Variants in NEB observed in about 807,000 individuals in gnomAD.
NEB encodes the protein nebulin, also known as nemaline myopathy type 2.
NEB carries 512 observed loss-of-function variants against 952.2 expected under a neutral mutation model. The observed-to-expected ratio is 0.54, with a 90% CI of 0.50 to 0.58. NEB has a LOEUF of 0.58. Among genes scored for constraint, NEB ranks in the 20% least tolerant of loss-of-function variants. NEB has a pLI of 0.00. For missense variants in NEB, 8,428 were observed against 9,231.1 expected (o/e 0.91, Z 3.56); for synonymous variants, 2,900 against 3,149.8 (o/e 0.92, Z 2.66).
At chr2:151,578,230 C>T (rs1258200011) in intron 105 of NEB, among the ~76,000 whole-genome samples, 1 of 151,438 alleles carries the variant, frequency 6.6e-6, no homozygotes, top group African/African-American at 2.4e-5. Context: ...ACGAGTAAAT[C>T]TAAAAATGCC....
At chr2:151,644,682 G>T in intron 55 of NEB, 107 bp from the exon 56 acceptor site, 1 of 886,510 alleles carries the variant, frequency 1.1e-6, no homozygotes, top group Non-Finnish European at 1.8e-6. Context: ...TAGCATCTGT[G>T]CCCTAAAATA....
At position 151,695,997 on chromosome 2, in the gene NEB, G is replaced by A. The variant is rs79285434; in HGVS notation, c.1570-315C>T. ...CTCTCTTGTCACTGTCAGTGCTCAC[G>A]TACCAGAGCCACTTTCCTTTCATCT... On this transcript the variant is annotated intron_variant, in intron 17 of 181. Coordinates refer to ENST00000397345, the MANE Select transcript of NEB (RefSeq NM_001164508.2). 1.9e-4 allele frequency among the ~76,000 whole-genome samples: 29 copies of A among 152,320 alleles called. No homozygotes were observed. The East Asian group carries it at 2.3e-3, about 12-fold the overall frequency.
At chr2:151,717,304 C>T in intron 10 of NEB, 112 bp downstream of exon 10, 1 of 761,260 alleles carries the variant, frequency 1.3e-6, no homozygotes. Flanking sequence ...TGTAAAAATA[C>T]TCCTAGTGTT....
At chr2:151,660,194 C>T (rs1312619819) in intron 46 of NEB, among the ~76,000 whole-genome samples, 1 of 152,200 alleles carries the variant, frequency 6.6e-6, no homozygotes, top group East Asian at 1.9e-4. Context: ...TGAGAGCCCT[C>T]TGTGGGACTG....
chr2:151,523,466 C>G (rs1246437172), intron 153 of NEB, among the ~76,000 whole-genome samples: 1 of 152,142 alleles, frequency 6.6e-6, no homozygotes, highest in Non-Finnish European at 1.5e-5. Context: ...TTTCTTCAAA[C>G]AGATACCTGA....
intron 80 of NEB, 55 bp from the exon 81 acceptor site, chr2:151,610,175 G>A: frequency 7.1e-7 from 1 of 1,417,404 alleles, no homozygotes; most frequent in Non-Finnish European, 9.6e-7. Flanking sequence ...ATGCTCATGT[G>A]CTGACAATTA....
chr2:151,574,441 TTATTTTTC>T (rs1163874033), intron 107 of NEB, among the ~76,000 whole-genome samples: 2 of 152,212 alleles, frequency 1.3e-5, no homozygotes, highest in African/African-American at 2.4e-5. Flanking sequence ...GATTTGAGAT[TTATTTTTC>T]AGTCATGTTG....
At chr2:151,521,751 A>C (rs891741652) in intron 153 of NEB, among the ~76,000 whole-genome samples, 2 of 152,202 alleles carry the variant, frequency 1.3e-5, no homozygotes, top group Non-Finnish European at 2.9e-5. Flanking sequence ...AGTTAACTTC[A>C]ACCTTTTTAA....
At chr2:151,564,079 A>C (rs1041171928) in intron 117 of NEB, 149 bp from the exon 118 acceptor site, 1 of 489,164 alleles carries the variant, frequency 2.0e-6, no homozygotes, top group Non-Finnish European at 3.6e-6. Flanking sequence ...TACCTAGAAT[A>C]GGGCAGTTAT....
intron 47 of NEB, among the ~76,000 whole-genome samples, 184 bp downstream of exon 47, chr2:151,658,881 C>G (rs2099115521): frequency 6.6e-6 from 1 of 152,120 alleles, no homozygotes; most frequent in South Asian, 2.1e-4. Context: ...AACTGCTTGG[C>G]CCAACCCCAT....
At chr2:151,621,502 T>C (rs1174816352) in intron 71 of NEB, among the ~76,000 whole-genome samples, 2 of 152,230 alleles carry the variant, frequency 1.3e-5, no homozygotes, top group Non-Finnish European at 2.9e-5. Context: ...TCTGTTAATG[T>C]TGATTTGCTC....
At chr2:151,534,040 C>G (rs1484270978) in intron 142 of NEB, among the ~76,000 whole-genome samples, 1 of 152,224 alleles carries the variant, frequency 6.6e-6, no homozygotes, top group African/African-American at 2.4e-5. Context: ...AGAGCATGGA[C>G]TGGCACACTC....
intron 167 of NEB, 131 bp downstream of exon 167, chr2:151,502,662 G>C: frequency 1.5e-6 from 1 of 649,224 alleles, no homozygotes; most frequent in East Asian, 2.8e-5. Context: ...AATTAGATTT[G>C]GGTTGAAAAC....
At chr2:151,694,022 T>C (rs1311886655) in intron 20 of NEB, among the ~76,000 whole-genome samples, 4 of 152,224 alleles carry the variant, frequency 2.6e-5, no homozygotes, top group Non-Finnish European at 4.4e-5. Context: ...CCTATACTTA[T>C]GTATATTAAG....
intron 145 of NEB, among the ~76,000 whole-genome samples, chr2:151,530,092 G>A (rs1374577903): frequency 1.3e-5 from 2 of 152,010 alleles, no homozygotes; most frequent in African/African-American, 4.8e-5. Context: ...ACCCCTTAAG[G>A]GCAAAAACTG....
At chr2:151,513,526 C>T in intron 160 of NEB, 54 bp downstream of exon 160, 3 of 1,294,464 alleles carry the variant, frequency 2.3e-6, no homozygotes, top group Non-Finnish European at 2.2e-6. Flanking sequence ...CACTTTATGT[C>T]CTTAAAGTTA....
chr2:151,568,583 A>C, intron 111 of NEB, 35 bp downstream of exon 111: 2 of 1,527,918 alleles, frequency 1.3e-6, no homozygotes, highest in Non-Finnish European at 1.8e-6. Context: ...TGATATCTGC[A>C]TCACTGTGAG....
At chr2:151,728,049 A>T in intron 4 of NEB, 143 bp from the exon 5 acceptor site, 1 of 654,642 alleles carries the variant, frequency 1.5e-6, no homozygotes, top group Non-Finnish European at 2.6e-6. Context: ...AAAGCAGGAA[A>T]TGGCACACTG....
rs1337899563 is a variant in NEB at position 151,724,851 on chromosome 2, C to T, written c.507+6G>A. On this transcript the variant is annotated splice_donor_region_variant and intron_variant, in intron 7 of 181. Coordinates refer to ENST00000397345, the MANE Select transcript of NEB (RefSeq NM_001164508.2). Reference sequence around the variant, plus strand: ...AGTACCCCAGCCATCCATATCATTGCCTTACCTTACTGACTTGCTGCGACA... The same window carrying T: ...AGTACCCCAGCCATCCATATCATTGTCTTACCTTACTGACTTGCTGCGACA... The T allele has an allele frequency of 6.2e-7, 1 of 1,610,814 alleles. No homozygotes were observed. The highest frequency in any genetic ancestry group is 1.3e-5 in the African/African-American group (1 of 74,988).
Sources: allele counts gnomAD v4.1 joint callset (sites outside exome capture counted in the v4.1 genomes callset), GRCh38; gene constraint gnomAD v4.1.1; transcripts MANE v1.5; gene names NCBI Gene and HGNC (gene_info 2026-07-23, HGNC 2026-07-21).